LAMA2: variants seen among roughly 807,000 people sequenced by gnomAD.
The protein encoded by LAMA2 is laminin subunit alpha 2.
A neutral mutation model predicts 364.8 loss-of-function variants in LAMA2; 269 were observed. The ratio of observed to expected loss-of-function variants is 0.74; its 90% CI spans 0.67 to 0.82. The LOEUF is 0.82. LAMA2 is among the 40% of genes least tolerant of loss of function. The probability of loss-of-function intolerance (pLI) is 0.00; values close to 1 mark genes in which losing one functional copy is unlikely to be tolerated. For synonymous variants in LAMA2, 1,379 were observed against 1,370.6 expected (o/e 1.01, Z -0.14); for missense variants, 3,807 against 3,873.2 (o/e 0.98, Z 0.45).
chr6:129,091,186 G>C lies in LAMA2; in HGVS notation c.397-6987G>C, dbSNP rs1054721581. Among the ~76,000 whole-genome samples the C allele has an allele frequency of 3.3e-5, 5 of 152,302 alleles. No individual in the cohort carries two copies. In the South Asian group the frequency reaches 1.0e-3, roughly 32 times the overall value. ...TTGCTATTTTTCAGAGCTAGACTTT[G>C]AGATTTGCTTTTTTGCAGAGTGAGA... On this transcript the variant is annotated intron_variant, in intron 3 of 64. Transcript: ENST00000421865.
chr6:129,391,660 A>C lies in LAMA2; in HGVS notation c.5234+7A>C. The C allele has an allele frequency of 6.2e-7, 1 of 1,610,558 alleles. No homozygotes were observed. The highest frequency in any genetic ancestry group is 8.5e-7 in the Non-Finnish European group (1 of 1,177,122). On this transcript the variant is annotated splice_region_variant and intron_variant, in intron 36 of 64. Transcript: ENST00000421865. ...TTGCTGAAGATGAGTTGGTGTGAGT[A>C]GATGAGTTATTATTTTTTCTTTTGA...
At chr6:129,237,741 C>G (rs1387719918) in intron 12 of LAMA2, among the ~76,000 whole-genome samples, 20 of 152,022 alleles carry the variant, frequency 1.3e-4, no homozygotes, top group Admixed American at 1.3e-3. Flanking sequence ...CAGATATTGC[C>G]AAATTGAACC....
intron 3 of LAMA2, among the ~76,000 whole-genome samples, chr6:129,083,418 C>A (rs1774186712): frequency 6.6e-6 from 1 of 152,162 alleles, no homozygotes. Context: ...TGAGAGCCCA[C>A]AATGTTGCCT....
intron 4 of LAMA2, among the ~76,000 whole-genome samples, chr6:129,110,624 GCTTCAA>G (rs1776104876): frequency 3.3e-5 from 5 of 152,086 alleles, no homozygotes; most frequent in African/African-American, 9.7e-5. Context: ...CCTTGGAGAT[GCTTCAA>G]GCCAAAATTG....
In LAMA2 at chr6:129,280,137, C is replaced by A. The variant is rs769493998; in HGVS notation, c.2527C>A (p.Arg843Ser). 6.2e-7 allele frequency: 1 copy of A among 1,605,156 alleles called. No individual in the cohort carries two copies. The highest frequency in any genetic ancestry group is 1.1e-5 in the South Asian group (1 of 90,918). The change falls in exon 18 of 65, where the codon CGC becomes AGC. Residue 843 changes from arginine to serine, a missense_variant. Physicochemically the swap from Arg to Ser is moderately radical, Grantham distance 110 (BLOSUM62 -1). Coordinates refer to ENST00000421865, the MANE Select transcript of LAMA2 (RefSeq NM_000426.4). ...DGCPVGYTGPRCERCAEGYFG... is the reference protein window; with the variant it reads ...DGCPVGYTGPSCERCAEGYFG... ...ATGCCCTGTCGGGTACACAGGACCA[C>A]GCTGTGAGAGGTAAGAGTATACTAC...
chr6:128,943,002 A>G (rs781001818), intron 1 of LAMA2, among the ~76,000 whole-genome samples: 7 of 152,318 alleles, frequency 4.6e-5, no homozygotes, highest in Admixed American at 3.3e-4. Flanking sequence ...CATCAGTTCT[A>G]TGTGCTCTCA....
chr6:128,971,568 C>T (rs1782186976), intron 1 of LAMA2, among the ~76,000 whole-genome samples: 1 of 152,146 alleles, frequency 6.6e-6, no homozygotes, highest in South Asian at 2.1e-4. Flanking sequence ...AGGGAAGACA[C>T]ATCTTCCAGG....
At chr6:128,983,205 T>A (rs1783005214) in intron 1 of LAMA2, among the ~76,000 whole-genome samples, 1 of 152,104 alleles carries the variant, frequency 6.6e-6, no homozygotes, top group African/African-American at 2.4e-5. Flanking sequence ...TCCACAATGG[T>A]TGAACTAGTT....
rs146322873 is a variant in LAMA2, at chr6:129,152,642, G to C, written c.1028-1863G>C. Among the ~76,000 whole-genome samples the C allele has an allele frequency of 4.8e-3, 728 of 152,232 alleles. 3 individuals carry two copies. The highest frequency in any genetic ancestry group is 0.017 in the Middle Eastern group (5 of 294). On this transcript the variant is annotated intron_variant, in intron 7 of 64. Transcript: ENST00000421865. ...GAGACAAGTACTAAAGTGATGCTAG[G>C]ACTCGAGTTTTTGCCTCAAAGTCAC...
At chr6:129,043,580 T>C (rs1384547353) in intron 1 of LAMA2, among the ~76,000 whole-genome samples, 2 of 152,226 alleles carry the variant, frequency 1.3e-5, no homozygotes, top group Admixed American at 1.3e-4. Flanking sequence ...TTGAAGATGC[T>C]TGTTTGCTTA....
chr6:128,885,408 A>C (rs1776091857), intron 1 of LAMA2, among the ~76,000 whole-genome samples: 1 of 152,362 alleles, frequency 6.6e-6, no homozygotes, highest in Non-Finnish European at 1.5e-5. Context: ...TTAAGTTTAC[A>C]TAATAATAAC....
rs895486529 is a variant in LAMA2 at position 129,275,484 on chromosome 6, C to CA, written c.2451-4568dup. ...CAATTACAGAAACATTGAAAAGAAGCAAAAAAAAATCAATAGAATTTAATG... is the reference window on the plus strand; with the variant it reads ...CAATTACAGAAACATTGAAAAGAAGCAAAAAAAAAATCAATAGAATTTAATG... On this transcript the variant is annotated intron_variant, in intron 17 of 64. Coordinates refer to ENST00000421865, the MANE Select transcript of LAMA2 (RefSeq NM_000426.4). Among the ~76,000 whole-genome samples, 205 of 147,998 alleles carry CA rather than the reference C, an allele frequency of 1.4e-3. 1 individual carries two copies. The highest frequency in any genetic ancestry group is 3.8e-3 in the South Asian group (18 of 4,706).
intron 14 of LAMA2, 51 bp downstream of exon 14, chr6:129,252,346 A>G: frequency 1.4e-6 from 2 of 1,422,786 alleles, no homozygotes; most frequent in Non-Finnish European, 2.0e-6. Flanking sequence ...TTTGGGGCCA[A>G]GGTGCAGGAG....
chr6:129,184,383 T>C (rs1435610354), intron 10 of LAMA2, among the ~76,000 whole-genome samples: 2 of 151,874 alleles, frequency 1.3e-5, no homozygotes, highest in Admixed American at 1.3e-4. Context: ...TCAAATAATA[T>C]TATGTTAGTC....
chr6:129,200,372 ATGTG>A (rs1782186288), intron 12 of LAMA2, among the ~76,000 whole-genome samples: 4 of 149,534 alleles, frequency 2.7e-5, no homozygotes, highest in Non-Finnish European at 6.0e-5. Flanking sequence ...ATACACGTGT[ATGTG>A]TACACATATA....
At chr6:129,263,206 A>G (rs1415060571) in intron 15 of LAMA2, among the ~76,000 whole-genome samples, 1 of 152,132 alleles carries the variant, frequency 6.6e-6, no homozygotes, top group Non-Finnish European at 1.5e-5. Flanking sequence ...GACAAACAAG[A>G]CCCTACACAG....
intron 18 of LAMA2, among the ~76,000 whole-genome samples, chr6:129,280,369 C>A (rs373466982): frequency 6.6e-5 from 10 of 152,258 alleles, no homozygotes; most frequent in African/African-American, 2.4e-4. Flanking sequence ...CAGAGAATAT[C>A]TGATTAATGT....
intron 9 of LAMA2, among the ~76,000 whole-genome samples, chr6:129,173,071 C>G (rs1262025753): frequency 1.3e-5 from 2 of 152,208 alleles, no homozygotes; most frequent in Non-Finnish European, 2.9e-5. Flanking sequence ...CGCCCACTGT[C>G]TGGCATTCCC....
intron 18 of LAMA2, among the ~76,000 whole-genome samples, chr6:129,280,836 T>C (rs1439603969): frequency 6.6e-6 from 1 of 152,134 alleles, no homozygotes; most frequent in Non-Finnish European, 1.5e-5. Flanking sequence ...AAAACCTCCC[T>C]CTGGTTTCAG....
Sources: allele counts gnomAD v4.1 joint callset (sites outside exome capture counted in the v4.1 genomes callset), GRCh38; gene constraint gnomAD v4.1.1; transcripts MANE v1.5; gene names NCBI Gene and HGNC (gene_info 2026-07-23, HGNC 2026-07-21).